Variants in CHD1L observed in about 807,000 individuals in gnomAD.
CHD1L encodes the protein ATP-dependent chromatin remodeler CHD1L.
Under a neutral mutation model 115.9 loss-of-function variants are expected in CHD1L, and 118 were observed. The observed-to-expected ratio is 1.02, with a 90% CI of 0.88 to 1.19. The LOEUF (loss-of-function observed/expected upper bound fraction) is 1.19, where lower values mean the gene tolerates loss of function less well. Among genes scored for constraint, CHD1L ranks in the 50% most tolerant of loss-of-function variants. The pLI is 0.00. For synonymous variants in CHD1L, 411 were observed against 387.1 expected (o/e 1.06, Z -0.72); for missense variants, 1,179 against 1,065.3 (o/e 1.11, Z -1.49).
At chr1:147,287,280 T>G (rs1683535311) in intron 18 of CHD1L, among the ~76,000 whole-genome samples, 1 of 152,174 alleles carries the variant, frequency 6.6e-6, no homozygotes, top group African/African-American at 2.4e-5. Context: ...TTTCATAACC[T>G]TGCCTATGTG....
chr1:147,243,130 C>G (rs1553932261), intron 1 of CHD1L: 1 of 249,202 alleles, frequency 4.0e-6, no homozygotes, highest in Non-Finnish European at 7.6e-6. Context: ...ACCTGCAGGC[C>G]TCCGCTGAAG....
At position 147,291,476 on chromosome 1, in the gene CHD1L, C is replaced by T. The variant is rs782717082; in HGVS notation, c.2321-6C>T. ...CTTTATGTTGCTCCTTTCTGTTTTACCTCAGACCTGAGTTTGGGAGGTGTC... is the reference window on the plus strand; with the variant it reads ...CTTTATGTTGCTCCTTTCTGTTTTATCTCAGACCTGAGTTTGGGAGGTGTC... On this transcript the variant is annotated splice_region_variant and splice_polypyrimidine_tract_variant and intron_variant, in intron 19 of 22. Transcript: ENST00000369258. The T allele has an allele frequency of 1.9e-6, 3 of 1,612,396 alleles. No individual in the cohort carries two copies. The highest frequency in any genetic ancestry group is 1.7e-5 in the Admixed American group (1 of 59,982).
Position 147,279,435 on chromosome 1 carries a change from A to G in CHD1L, c.1540-591A>G, listed in dbSNP as rs587661921. On this transcript the variant is annotated intron_variant, in intron 14 of 22. Coordinates refer to ENST00000369258, the MANE Select transcript of CHD1L (RefSeq NM_004284.6). ...CGAGAGAAGAGAAGCAGGATAGTGCAATGCCAGAGGAACATCCAGAAAAAT... is the reference window on the plus strand; with the variant it reads ...CGAGAGAAGAGAAGCAGGATAGTGCGATGCCAGAGGAACATCCAGAAAAAT... Among the ~76,000 whole-genome samples, 9 of 152,316 alleles carry G rather than the reference A, an allele frequency of 5.9e-5. No homozygotes were observed. In the South Asian group the frequency reaches 1.9e-3, roughly 32 times the overall value.
rs782616103 is a variant in CHD1L at position 147,278,158 on chromosome 1, G to A, written c.1540-1868G>A. Among the ~76,000 whole-genome samples the A allele has an allele frequency of 8.8e-4, 133 of 151,498 alleles. 1 individual carries two copies. The highest frequency in any genetic ancestry group is 1.1e-3 in the Non-Finnish European group (76 of 67,934). On this transcript the variant is annotated intron_variant, in intron 14 of 22. Coordinates refer to ENST00000369258, the MANE Select transcript of CHD1L (RefSeq NM_004284.6). ...TTATTTGTGGTTACCAAAAGCAAAG[G>A]TGATAACCCAGAGCCCTTGTCTAAA...
intron 2 of CHD1L, among the ~76,000 whole-genome samples, chr1:147,254,327 A>G (rs1553938338): frequency 6.9e-6 from 1 of 145,446 alleles, no homozygotes; most frequent in East Asian, 1.9e-4. Context: ...TAACTGGAGC[A>G]TAGGACAGTG....
the CHD1L span, chr1:147,178,003 C>G: frequency 5.1e-6 from 3 of 583,912 alleles, no homozygotes; most frequent in African/African-American, 4.0e-5. Flanking sequence ...GATCCTGGAA[C>G]ACAAAAACTA....
At chr1:147,191,224 G>A in the CHD1L span, among the ~76,000 whole-genome samples, 10 of 152,180 alleles carry the variant, frequency 6.6e-5, no homozygotes, top group African/African-American at 2.4e-4. Context: ...GGGTCAAATG[G>A]TACTTCCAGT....
the CHD1L span, among the ~76,000 whole-genome samples, chr1:147,193,437 T>G: frequency 2.0e-5 from 3 of 152,308 alleles, no homozygotes; most frequent in South Asian, 6.2e-4. Flanking sequence ...ATCAATTTTG[T>G]TGATCCTTTC....
chr1:147,203,985 A>T, the CHD1L span: 2 of 1,195,128 alleles, frequency 1.7e-6, no homozygotes, highest in Admixed American at 1.7e-5. Flanking sequence ...TCCCATTTTG[A>T]GTTTAGCTTC....
the CHD1L span, among the ~76,000 whole-genome samples, chr1:147,205,728 A>G: frequency 2.6e-5 from 4 of 152,168 alleles, no homozygotes; most frequent in Non-Finnish European, 5.9e-5. Context: ...CAAAGCTGAA[A>G]CTTGATCCCT....
upstream of CHD1L, among the ~76,000 whole-genome samples, chr1:147,238,154 C>T (rs587705429): frequency 2.0e-5 from 3 of 152,228 alleles, no homozygotes; most frequent in Admixed American, 6.5e-5. Flanking sequence ...TCATTTCTTG[C>T]AAGAAAGAAA....
chr1:147,182,005 G>A, the CHD1L span, among the ~76,000 whole-genome samples: 1 of 152,204 alleles, frequency 6.6e-6, no homozygotes, highest in African/African-American at 2.4e-5. Flanking sequence ...ATATGTCCAT[G>A]TGGGTATAGG....
At chr1:147,192,332 G>A in the CHD1L span, among the ~76,000 whole-genome samples, 2 of 152,014 alleles carry the variant, frequency 1.3e-5, no homozygotes, top group Non-Finnish European at 2.9e-5. Context: ...TGGTGTATAA[G>A]ACTGCTTGTG....
At chr1:147,215,787 T>G in the CHD1L span, 3 of 1,610,604 alleles carry the variant, frequency 1.9e-6, no homozygotes, top group Non-Finnish European at 2.5e-6. Context: ...GGTCAAATTC[T>G]TTGGCATACA....
At chr1:147,256,489 T>C (rs1175112864) in intron 4 of CHD1L, 42 bp from the exon 5 acceptor site, 2 of 1,574,108 alleles carry the variant, frequency 1.3e-6, no homozygotes, top group Non-Finnish European at 1.7e-6. Flanking sequence ...TATCAGAGTT[T>C]ATCAATGCCA....
chr1:147,192,525 C>G, the CHD1L span, among the ~76,000 whole-genome samples: 1 of 151,838 alleles, frequency 6.6e-6, no homozygotes, highest in Non-Finnish European at 1.5e-5. Context: ...CCTAATTGCC[C>G]TGGCCAGAAT....
At chr1:147,271,097 T>C (rs1559812059) in intron 11 of CHD1L, 92 bp downstream of exon 11, 2 of 1,104,690 alleles carry the variant, frequency 1.8e-6, no homozygotes, top group African/African-American at 1.6e-5. Flanking sequence ...TATGAGAATA[T>C]TACAAAGGAA....
Position 147,268,864 on chromosome 1 carries a change from A to T in CHD1L, c.1071A>T (p.Ala357=). The stretch of plus-strand genomic sequence containing the variant: ...TTCACCTGCTGGATAAGCTACTAGC[A>T]TTCCTGTATTCTGGGTAGGTGGTAG... ...GKLHLLDKLL[A]FLYSGGHRVL... is the part of the protein sequence containing the mutation. Residue 357 remains alanine (A), a synonymous_variant, in exon 10 of 23, where the codon GCA becomes GCT. Transcript: ENST00000369258. 4 of 1,612,776 alleles carry T rather than the reference A, an allele frequency of 2.5e-6. No homozygotes were observed. The highest frequency in any genetic ancestry group is 3.4e-6 in the Non-Finnish European group (4 of 1,179,068).
At chr1:147,280,635 CAT>C (rs1680485154) in intron 15 of CHD1L, among the ~76,000 whole-genome samples, 1 of 152,170 alleles carries the variant, frequency 6.6e-6, no homozygotes, top group Non-Finnish European at 1.5e-5. Context: ...CGGACTTTGT[CAT>C]GTGCTTTTTC....
Sources: gnomAD v4.1 joint callset for allele counts (sites outside exome capture counted in the v4.1 genomes callset) on GRCh38, gnomAD v4.1.1 for gene constraint, MANE v1.5 for transcripts, NCBI Gene and HGNC (gene_info 2026-07-23, HGNC 2026-07-21) for gene names.